Variants in NOX4 observed in about 807,000 individuals in gnomAD.
The protein encoded by NOX4 is NADPH oxidase 4.
A neutral mutation model predicts 87.6 loss-of-function variants in NOX4; 69 were observed. That is an observed-to-expected ratio of 0.79 (90% confidence interval 0.65 to 0.96). The LOEUF is 0.96. NOX4 is among the 40% of genes least tolerant of loss of function. The pLI is 0.00. For synonymous variants in NOX4, 275 were observed against 238.2 expected (o/e 1.15, Z -1.42); for missense variants, 680 against 681.5 (o/e 1.00, Z 0.02).
At chr11:89,493,721 TTTATTATTATTATTA>T (rs200679523), upstream of NOX4, among the ~76,000 whole-genome samples, 40 of 142,292 alleles carry the variant, frequency 2.8e-4, no homozygotes, top group South Asian at 3.6e-3. Context: ...GCCAGATTGT[TTTATTATTATTATTA>T]TTATTATTAT....
Position 89,444,174 on chromosome 11 carries a change from T to C in NOX4, c.408A>G (p.Glu136=). 6.2e-7 allele frequency: 1 copy of C among 1,613,564 alleles called. No individual in the cohort carries two copies. Among genetic ancestry groups the C allele is most frequent in the South Asian group, 1.1e-5 (1 of 91,062 alleles). The part of the protein sequence containing the change: ...NALNFSVNYS[E]DFVELNAARY... ...TTGCTGCATTCAGTTCAACAAAGTC[T>C]TCACTGTAATTCACTGAGAAGTTGA... Residue 136 remains glutamate (E), a synonymous_variant, in exon 5 of 18, where the codon GAA becomes GAG. Transcript: ENST00000263317.
the NOX4 span, among the ~76,000 whole-genome samples, chr11:89,520,791 ACT>A: frequency 2.6e-5 from 4 of 152,162 alleles, no homozygotes; most frequent in African/African-American, 9.7e-5. Flanking sequence ...TCCCTAGAAA[ACT>A]CTAAAGGCTA....
At chr11:89,484,145 T>TA (rs1230999429) in intron 2 of NOX4, among the ~76,000 whole-genome samples, 2 of 152,102 alleles carry the variant, frequency 1.3e-5, no homozygotes, top group African/African-American at 4.8e-5. Context: ...TATCATTTAT[T>TA]AAAAAATAAA....
intron 2 of NOX4, among the ~76,000 whole-genome samples, chr11:89,458,415 G>C (rs1945301672): frequency 6.6e-6 from 1 of 152,122 alleles, no homozygotes; most frequent in African/African-American, 2.4e-5. Context: ...AAGATTTCAT[G>C]ATGAAGACAA....
At chr11:89,452,187 C>T (rs1944991250) in intron 2 of NOX4, among the ~76,000 whole-genome samples, 1 of 152,170 alleles carries the variant, frequency 6.6e-6, no homozygotes, top group African/African-American at 2.4e-5. Context: ...TGCCCCTACC[C>T]CATTGTTCTG....
At chr11:89,357,398 G>A (rs1169169663) in intron 12 of NOX4, among the ~76,000 whole-genome samples, 1 of 151,868 alleles carries the variant, frequency 6.6e-6, no homozygotes, top group East Asian at 1.9e-4. Flanking sequence ...CTGATATTTG[G>A]GCTGATATTA....
intron 2 of NOX4, among the ~76,000 whole-genome samples, chr11:89,462,624 A>G (rs11824651): frequency 0.058 from 8,789 of 152,156 alleles, 780 homozygotes; most frequent in African/African-American, 0.2. Context: ...TTCGATGAAG[A>G]AAAACATTGG....
chr11:89,541,998 A>G, the NOX4 span, among the ~76,000 whole-genome samples: 1 of 151,616 alleles, frequency 6.6e-6, no homozygotes, highest in African/African-American at 2.4e-5. Context: ...TTTTGTAGAT[A>G]CAGAGTCTCA....
intron 7 of NOX4, among the ~76,000 whole-genome samples, chr11:89,423,420 T>G (rs578035708): frequency 1.3e-5 from 2 of 152,276 alleles, no homozygotes; most frequent in South Asian, 4.1e-4. Flanking sequence ...TAGACCTACA[T>G]TTGCTTAAAC....
chr11:89,426,592 G>C (rs775225691), intron 7 of NOX4, among the ~76,000 whole-genome samples: 6 of 152,178 alleles, frequency 3.9e-5, no homozygotes, highest in African/African-American at 7.2e-5. Context: ...GCATGTCTCA[G>C]AGGGTCCCAC....
At chr11:89,546,220 C>A in the NOX4 span, among the ~76,000 whole-genome samples, 1 of 152,074 alleles carries the variant, frequency 6.6e-6, no homozygotes, top group Non-Finnish European at 1.5e-5. Flanking sequence ...CACTTAATAA[C>A]TATTTATAAC....
chr11:89,578,358 C>A, the NOX4 span, among the ~76,000 whole-genome samples: 1 of 152,044 alleles, frequency 6.6e-6, no homozygotes, highest in East Asian at 1.9e-4. Flanking sequence ...GAAATGATTT[C>A]ACCATGTTGG....
chr11:89,547,007 G>A, the NOX4 span, among the ~76,000 whole-genome samples: 2 of 152,064 alleles, frequency 1.3e-5, no homozygotes, highest in Non-Finnish European at 2.9e-5. Flanking sequence ...ACTTGGTGTG[G>A]GGATTAAATT....
Position 89,399,432 on chromosome 11 carries a change from A to AATATATATATAT in NOX4, c.1074+573_1074+584dup, listed in dbSNP as rs1208007737. 4.5e-3 allele frequency among the ~76,000 whole-genome samples: 343 copies of AATATATATATAT among 75,462 alleles called. 3 individuals are homozygous for AATATATATATAT. Among genetic ancestry groups the AATATATATATAT allele is most frequent in the African/African-American group, 5.0e-3 (98 of 19,452 alleles). The allele number at this position is 75,462 out of a possible 152,430, so 49.5% of individuals were successfully genotyped here. On this transcript the variant is annotated intron_variant, in intron 11 of 17. Coordinates refer to ENST00000263317, the MANE Select transcript of NOX4 (RefSeq NM_016931.5). Reference sequence around the variant, plus strand: ...AGAAAAGTAAATATTCAAGAAATTAAATATATATATATATATATATATATA... The same window carrying AATATATATATAT: ...AGAAAAGTAAATATTCAAGAAATTAAATATATATATATATATATATATATATATATATATATA...
At chr11:89,490,827 T>C in intron 1 of NOX4, 1 of 698,726 alleles carries the variant, frequency 1.4e-6, no homozygotes, top group Non-Finnish European at 2.6e-6. Context: ...CAAAATGAGA[T>C]TAAGAAATTA....
At chr11:89,560,133 A>G in the NOX4 span, among the ~76,000 whole-genome samples, 4 of 152,146 alleles carry the variant, frequency 2.6e-5, no homozygotes, top group Non-Finnish European at 5.9e-5. Flanking sequence ...ACACACACAC[A>G]CGTACATAAA....
intron 13 of NOX4, among the ~76,000 whole-genome samples, chr11:89,344,313 C>T (rs1329581143): frequency 3.3e-5 from 5 of 152,116 alleles, no homozygotes; most frequent in Non-Finnish European, 1.5e-5. Flanking sequence ...GTAATCCCAG[C>T]ACTTAGGGAG....
At chr11:89,399,496 C>A (rs1204767342) in intron 11 of NOX4, among the ~76,000 whole-genome samples, 1 of 142,338 alleles carries the variant, frequency 7.0e-6, no homozygotes, top group African/African-American at 2.6e-5. Flanking sequence ...CAAGGTCTCA[C>A]TCTCTTGCTC....
intron 6 of NOX4, 89 bp from the exon 7 acceptor site, chr11:89,432,945 G>A (rs1943886721): frequency 1.2e-6 from 1 of 844,976 alleles, no homozygotes; most frequent in East Asian, 2.7e-5. Flanking sequence ...GAAATACTGT[G>A]CTGTTCTGTG....
Sources: allele counts gnomAD v4.1 joint callset (sites outside exome capture counted in the v4.1 genomes callset), GRCh38; gene constraint gnomAD v4.1.1; transcripts MANE v1.5; gene names NCBI Gene and HGNC (gene_info 2026-07-23, HGNC 2026-07-21).